Variants in GRIN2B observed in about 807,000 individuals in gnomAD.
The protein encoded by GRIN2B is glutamate receptor ionotropic, NMDA 2B.
A neutral mutation model predicts 114.5 loss-of-function variants in GRIN2B; 5 were observed. That is an observed-to-expected ratio of 0.04 (90% CI 0.02 to 0.09). The LOEUF (loss-of-function observed/expected upper bound fraction) is 0.09. Ranked by LOEUF, GRIN2B falls within the 10% of genes least tolerant of loss-of-function variation. GRIN2B has a pLI of 1.00. For synonymous variants in GRIN2B, 787 were observed against 745.1 expected, an observed-to-expected ratio of 1.06 and a Z score of -0.92; for missense variants, 1,108 against 1,943.5, an observed-to-expected ratio of 0.57 and a Z score of 8.08.
At chr12:13,859,064 T>C (rs180960918) in intron 3 of GRIN2B, among the ~76,000 whole-genome samples, 10 of 152,320 alleles carry the variant, frequency 6.6e-5, no homozygotes, top group Non-Finnish European at 2.9e-5. Context: ...ATGCACTGGG[T>C]ACATTGCGTC....
chr12:13,788,032 C>A (rs988022697), intron 3 of GRIN2B, among the ~76,000 whole-genome samples: 3 of 152,128 alleles, frequency 2.0e-5, no homozygotes, highest in Non-Finnish European at 2.9e-5. Flanking sequence ...AACCTTAAGA[C>A]CTTTTGGGAC....
At chr12:13,771,030 C>T (rs1403960239) in intron 3 of GRIN2B, among the ~76,000 whole-genome samples, 1 of 152,180 alleles carries the variant, frequency 6.6e-6, no homozygotes, top group Non-Finnish European at 1.5e-5. Context: ...ACCCAAATCT[C>T]ATCTTGAATT....
chr12:13,691,575 G>T (rs986854605), intron 4 of GRIN2B, among the ~76,000 whole-genome samples: 4 of 152,168 alleles, frequency 2.6e-5, no homozygotes, highest in African/African-American at 9.6e-5. Context: ...TTACCAGGTT[G>T]CTTTGATTAT....
chr12:13,819,151 A>C (rs1864884618), intron 3 of GRIN2B, among the ~76,000 whole-genome samples: 1 of 152,188 alleles, frequency 6.6e-6, no homozygotes, highest in South Asian at 2.1e-4. Flanking sequence ...GGAACACACA[A>C]GAAGACACCA....
intron 2 of GRIN2B, among the ~76,000 whole-genome samples, chr12:13,880,528 T>A (rs950609251): frequency 1.3e-5 from 2 of 152,152 alleles, no homozygotes; most frequent in African/African-American, 4.8e-5. Context: ...CAGCTGCCTC[T>A]GAGAGCTGTT....
chr12:13,952,575 C>A (rs1867506469), intron 2 of GRIN2B, among the ~76,000 whole-genome samples: 1 of 152,136 alleles, frequency 6.6e-6, no homozygotes. Flanking sequence ...TCTGTACTTC[C>A]CCTCTCTATC....
intron 4 of GRIN2B, among the ~76,000 whole-genome samples, chr12:13,697,908 T>C (rs536645266): frequency 1.3e-5 from 2 of 152,336 alleles, no homozygotes; most frequent in African/African-American, 4.8e-5. Flanking sequence ...CATGTGACAC[T>C]GCAACTTGCA....
intron 4 of GRIN2B, among the ~76,000 whole-genome samples, chr12:13,750,281 C>T (rs1035851563): frequency 1.2e-4 from 19 of 152,248 alleles, no homozygotes; most frequent in Non-Finnish European, 2.1e-4. Context: ...GGTGGCCACA[C>T]GGGAGCATCT....
chr12:13,795,600 T>G (rs916487269), intron 3 of GRIN2B, among the ~76,000 whole-genome samples: 2 of 152,246 alleles, frequency 1.3e-5, no homozygotes, highest in African/African-American at 4.8e-5. Context: ...CCCAAAGGAT[T>G]ATAAATCACA....
chr12:13,958,787 C>T (rs966595493), intron 2 of GRIN2B, among the ~76,000 whole-genome samples: 3 of 152,130 alleles, frequency 2.0e-5, no homozygotes, highest in African/African-American at 7.2e-5. Context: ...CCACCCACTA[C>T]CAATACAACC....
At chr12:13,832,098 G>A (rs1022916255) in intron 3 of GRIN2B, among the ~76,000 whole-genome samples, 3 of 152,116 alleles carry the variant, frequency 2.0e-5, no homozygotes, top group African/African-American at 7.2e-5. Flanking sequence ...TTTAAAGAAA[G>A]GTGGTGTTTA....
At position 13,560,768 on chromosome 12, in the gene GRIN2B, G is replaced by A. The variant is rs1366681394; in HGVS notation, c.*2015C>T. 6.6e-6 allele frequency: 1 copy of A among 152,258 alleles called. No individual in the cohort carries two copies. Among genetic ancestry groups the A allele is most frequent in the African/African-American group, 2.4e-5 (1 of 41,448 alleles). 9.4% of individuals were successfully genotyped at this position (152,258 alleles called of 1,614,324 possible). ...ACAAAGCTTTACAAGGCCTTCAGTT[G>A]GCTTTAAAATGAAAGATACTGAGGT... On this transcript the variant is annotated 3_prime_UTR_variant, in exon 14 of 14. Transcript: ENST00000609686.
intron 3 of GRIN2B, among the ~76,000 whole-genome samples, chr12:13,773,395 CAT>C (rs1222724514): frequency 6.6e-6 from 1 of 152,182 alleles, no homozygotes; most frequent in South Asian, 2.1e-4. Flanking sequence ...GTCAAATACA[CAT>C]GAGGTGGATC....
At position 13,564,894 on chromosome 12, in the gene GRIN2B, G is replaced by A. The variant is rs1948618225; in HGVS notation, c.2599-255C>T. Among the ~76,000 whole-genome samples, 1 of 152,224 alleles carries A rather than the reference G, an allele frequency of 6.6e-6. No homozygotes were observed. The highest frequency in any genetic ancestry group is 2.4e-5 in the African/African-American group (1 of 41,458). On this transcript the variant is annotated intron_variant, in intron 13 of 13. Transcript: ENST00000609686. The surrounding 1 kb of genome is among the most constrained non-coding windows in gnomAD (Gnocchi z 4.8). ...GGCATGGCCCCACCCAGTAACTTGA[G>A]CAAAGGGACTGGAATCATAAGATAT...
At chr12:13,755,065 T>C (rs901779778) in intron 3 of GRIN2B, among the ~76,000 whole-genome samples, 1 of 152,228 alleles carries the variant, frequency 6.6e-6, no homozygotes, top group Non-Finnish European at 1.5e-5. Context: ...CCTTATCTTC[T>C]ATCCCATTGG....
chr12:13,811,474 G>A (rs1288332048), intron 3 of GRIN2B, among the ~76,000 whole-genome samples: 1 of 152,220 alleles, frequency 6.6e-6, no homozygotes, highest in East Asian at 1.9e-4. Context: ...TCAGCTACTT[G>A]GAAGACTGAG....
rs1045956393 is a variant in GRIN2B at position 13,537,648 on chromosome 12, T to C, written c.*25135A>G. ...CCCGCTTTCCCCAGATGCACATACA[T>C]AGTGGTTCACATTCTGGCTGTATAT... On this transcript the variant is annotated 3_prime_UTR_variant, in exon 14 of 14. Transcript: ENST00000609686. 1 of 152,200 alleles carries C rather than the reference T, an allele frequency of 6.6e-6. No homozygotes were observed. Among genetic ancestry groups the C allele is most frequent in the Admixed American group, 6.5e-5 (1 of 15,278 alleles). The allele number at this position is 152,200 out of a possible 1,614,324, so 9.4% of individuals were successfully genotyped here.
At chr12:13,877,156 ATT>A (rs1866002427) in intron 2 of GRIN2B, among the ~76,000 whole-genome samples, 1 of 152,102 alleles carries the variant, frequency 6.6e-6, no homozygotes, top group Non-Finnish European at 1.5e-5. Context: ...GTGAGCTCAA[ATT>A]AGCCCTCTTT....
chr12:13,940,385 C>T (rs947213062), intron 2 of GRIN2B, among the ~76,000 whole-genome samples: 1 of 152,030 alleles, frequency 6.6e-6, no homozygotes, highest in Non-Finnish European at 1.5e-5. Context: ...CATTATTCCC[C>T]AGCGGTTTTT....
Sources: gnomAD v4.1 joint callset for allele counts (sites outside exome capture counted in the v4.1 genomes callset) on GRCh38, gnomAD v4.1.1 for gene constraint, Gnocchi (gnomAD v3.1) non-coding constraint, MANE v1.5 for transcripts, NCBI Gene and HGNC (gene_info 2026-07-23, HGNC 2026-07-21) for gene names.